The following NFIB variants were observed in gnomAD, a reference collection of about 807,000 sequenced individuals.
NFIB encodes the protein nuclear factor I B.
NFIB carries 11 observed loss-of-function variants against 61.5 expected under a neutral mutation model. That is an observed-to-expected ratio of 0.18 (90% CI 0.11 to 0.30). NFIB has a LOEUF of 0.30. NFIB is among the 10% of genes least tolerant of loss of function. NFIB has a pLI of 1.00. For missense variants in NFIB, 471 were observed against 608.9 expected, an observed-to-expected ratio of 0.77 and a Z score of 2.38; for synonymous variants, 260 against 216.5, an observed-to-expected ratio of 1.20 and a Z score of -1.76.
In NFIB at chr9:14,313,759, C is replaced by T. The variant is rs1564001951; in HGVS notation, c.-248G>A. ...CTACACTTTTAACCCTCTTGCAGTC[C>T]GAGCGCGCTGGCCGTGCTTGCCGAG... On this transcript the variant is annotated 5_prime_UTR_variant, in exon 1 of 11. Transcript: ENST00000380953. The surrounding 1 kb of genome is among the most constrained non-coding windows in gnomAD (Gnocchi z 4.5). The T allele has an allele frequency of 4.0e-5, 54 of 1,350,652 alleles. No homozygotes were observed. Among genetic ancestry groups the T allele is most frequent in the Non-Finnish European group, 5.0e-5 (53 of 1,051,868 alleles). The allele number at this position is 1,350,652 out of a possible 1,614,324, so 83.7% of individuals were successfully genotyped here.
the NFIB span, among the ~76,000 whole-genome samples, chr9:14,450,229 C>T: frequency 2.0e-5 from 3 of 152,104 alleles, no homozygotes; most frequent in East Asian, 5.8e-4. Flanking sequence ...GTTTGGTTTT[C>T]TGTCCTTGTG....
At chr9:14,404,620 G>C in the NFIB span, among the ~76,000 whole-genome samples, 1 of 152,154 alleles carries the variant, frequency 6.6e-6, no homozygotes, top group East Asian at 1.9e-4. Context: ...GCTCCCTGTA[G>C]AAGCTAAAAA....
chr9:14,290,285 G>C (rs2059003237), intron 2 of NFIB, among the ~76,000 whole-genome samples: 1 of 151,980 alleles, frequency 6.6e-6, no homozygotes, highest in African/African-American at 2.4e-5. Flanking sequence ...TAGGAAACTG[G>C]AAAATTTGCC....
the NFIB span, among the ~76,000 whole-genome samples, chr9:14,469,584 G>A: frequency 6.6e-6 from 1 of 152,246 alleles, no homozygotes; most frequent in African/African-American, 2.4e-5. Context: ...CCTTCAGCAG[G>A]TGCCTGATAC....
intron 1 of NFIB, among the ~76,000 whole-genome samples, chr9:14,373,257 G>C (rs2061379312): frequency 6.6e-6 from 1 of 152,152 alleles, no homozygotes; most frequent in African/African-American, 2.4e-5. Context: ...TGTACACCTG[G>C]GAATTCTTTT....
the NFIB span, among the ~76,000 whole-genome samples, chr9:14,406,913 C>G: frequency 1.3e-5 from 2 of 152,196 alleles, no homozygotes; most frequent in Admixed American, 1.3e-4. Flanking sequence ...ACCAATTGAA[C>G]TGTGAGTGAG....
chr9:14,317,675 C>G (rs1014320592), upstream of NFIB, among the ~76,000 whole-genome samples: 10 of 152,280 alleles, frequency 6.6e-5, no homozygotes, highest in East Asian at 9.7e-4. Flanking sequence ...CTGACACCCC[C>G]CAAAACACTT....
chr9:14,198,670 C>T lies in NFIB; in HGVS notation c.563-18890G>A, dbSNP rs1194235297. ...TCACCCGCAATGACTGGGACTCGTA[C>T]AGCAATGCTGGGGCCAAGAAAGCGC... On this transcript the variant is annotated intron_variant, in intron 2 of 10. Coordinates refer to ENST00000380953, the MANE Select transcript of NFIB (RefSeq NM_001190737.2). 2.6e-5 allele frequency among the ~76,000 whole-genome samples: 4 copies of T among 152,172 alleles called. No homozygotes were observed. In the East Asian group the frequency reaches 5.8e-4, roughly 22 times the overall value.
chr9:14,529,010 C>G, the NFIB span, among the ~76,000 whole-genome samples: 1,241 of 152,194 alleles, frequency 8.2e-3, 8 homozygotes, highest in Non-Finnish European at 0.013. Context: ...AAGTCACATA[C>G]AAAATCATCT....
At chr9:14,485,810 G>C in the NFIB span, among the ~76,000 whole-genome samples, 12 of 152,078 alleles carry the variant, frequency 7.9e-5, no homozygotes, top group African/African-American at 2.9e-4. Context: ...GGGAAGCAGA[G>C]GTTGCAGTGA....
chr9:14,233,011 T>A (rs73415733), intron 2 of NFIB, among the ~76,000 whole-genome samples: 4,090 of 152,170 alleles, frequency 0.027, 185 homozygotes, highest in African/African-American at 0.092. Flanking sequence ...TCCTCCTTCT[T>A]CTAACACATG....
chr9:14,444,653 C>A, the NFIB span, among the ~76,000 whole-genome samples: 12 of 152,146 alleles, frequency 7.9e-5, no homozygotes, highest in Non-Finnish European at 1.5e-4. Context: ...GCCAACACTT[C>A]CTTATCCAGC....
intron 2 of NFIB, among the ~76,000 whole-genome samples, chr9:14,245,879 T>C (rs1296560564): frequency 6.6e-6 from 1 of 151,426 alleles, no homozygotes; most frequent in Non-Finnish European, 1.5e-5. Context: ...TCTCGAAAAA[T>C]GATAATAATA....
chr9:14,452,653 G>T, the NFIB span, among the ~76,000 whole-genome samples: 1 of 152,110 alleles, frequency 6.6e-6, no homozygotes, highest in African/African-American at 2.4e-5. Context: ...TTCATATTTG[G>T]CCCTATTCCC....
At chr9:14,259,181 ATTTC>A in intron 2 of NFIB, among the ~76,000 whole-genome samples, 1 of 152,308 alleles carries the variant, frequency 6.6e-6, no homozygotes, top group East Asian at 1.9e-4. Context: ...AAGTGATAAC[ATTTC>A]TTTGTTTTAA....
At position 14,307,543 on chromosome 9, in the gene NFIB, G is replaced by A; in HGVS notation, c.31-23C>T. The stretch of plus-strand genomic sequence containing the variant: ...ATCCTGTGGAAGACAGAGGGGTGAG[G>A]AAAAGATGTGCATAGTCAGTTTAAT... On this transcript the variant is annotated intron_variant, in intron 1 of 10. Transcript: ENST00000380953. The surrounding 1 kb of genome is among the most constrained non-coding windows in gnomAD (Gnocchi z 5.3). 1 of 1,553,796 alleles carries A rather than the reference G, an allele frequency of 6.4e-7. No individual in the cohort carries two copies. The highest frequency in any genetic ancestry group is 1.4e-5 in the African/African-American group (1 of 72,686).
chr9:14,130,108 C>G (rs1453548774), intron 6 of NFIB, among the ~76,000 whole-genome samples: 1 of 151,994 alleles, frequency 6.6e-6, no homozygotes, highest in Non-Finnish European at 1.5e-5. Context: ...TTCACTTGTA[C>G]CTGGCTGAAC....
intron 1 of NFIB, among the ~76,000 whole-genome samples, chr9:14,372,828 C>G (rs971229020): frequency 2.0e-5 from 3 of 152,184 alleles, no homozygotes; most frequent in Non-Finnish European, 4.4e-5. Context: ...GTGAACTGAA[C>G]CTCTAACTCA....
chr9:14,173,192 A>G (rs530752105), intron 3 of NFIB, among the ~76,000 whole-genome samples: 103 of 152,146 alleles, frequency 6.8e-4, no homozygotes, highest in Non-Finnish European at 1.4e-3. Flanking sequence ...CCCCTATGTG[A>G]TCCTCACAAC....
Sources: allele counts gnomAD v4.1 joint callset (sites outside exome capture counted in the v4.1 genomes callset), GRCh38; gene constraint gnomAD v4.1.1; non-coding constraint Gnocchi (gnomAD v3.1); transcripts MANE v1.5; gene names NCBI Gene and HGNC (gene_info 2026-07-23, HGNC 2026-07-21).